ARFIP1: variants seen among roughly 807,000 people sequenced by gnomAD.
ARFIP1 encodes the protein ARF interacting protein 1.
ARFIP1 carries 24 observed loss-of-function variants against 42.5 expected under a neutral mutation model. The ratio of observed to expected loss-of-function variants is 0.57; its 90% CI spans 0.41 to 0.80. ARFIP1 has a LOEUF of 0.80. Among genes scored for constraint, ARFIP1 ranks in the 30% least tolerant of loss-of-function variants. The pLI is 0.00. For synonymous variants in ARFIP1, 141 were observed against 153.7 expected (o/e 0.92, Z 0.61); for missense variants, 354 against 434.0 (o/e 0.82, Z 1.64).
chr4:152,833,242 C>CAAAAAAAAAA (rs141860697), intron 2 of ARFIP1, among the ~76,000 whole-genome samples: 2 of 136,288 alleles, frequency 1.5e-5, no homozygotes, highest in Non-Finnish European at 1.6e-5. Flanking sequence ...AGACATTTTT[C>CAAAAAAAAAA]AAAAAAAAAA....
chr4:152,910,157 C>G lies in ARFIP1; in HGVS notation c.1060C>G (p.Gln354Glu). The G allele has an allele frequency of 6.2e-7, 1 of 1,614,172 alleles. No individual in the cohort carries two copies. Among genetic ancestry groups the G allele is most frequent in the Non-Finnish European group, 8.5e-7 (1 of 1,180,018 alleles). The change falls in exon 9 of 9, where the codon CAG (glutamine) becomes GAG (glutamate). Residue 354 changes from glutamine (Q) to glutamate (E), a missense_variant. Gln to Glu is a conservative substitution (Grantham distance 29). Coordinates refer to ENST00000353617, the MANE Select transcript of ARFIP1 (RefSeq NM_001025595.3). ...GAAGCAGCTTGAACAGACACTTAAA[C>G]AGTTCCATATCAAATTGAAAACCCC... ...NQKQLEQTLK[Q>E]FHIKLKTPGV...
chr4:152,891,101 T>G (rs1290300548), intron 8 of ARFIP1, among the ~76,000 whole-genome samples: 1 of 152,170 alleles, frequency 6.6e-6, no homozygotes, highest in Non-Finnish European at 1.5e-5. Flanking sequence ...CTCCCATTCC[T>G]TTATCATGAG....
intron 1 of ARFIP1, among the ~76,000 whole-genome samples, chr4:152,805,900 A>G (rs1228249878): frequency 6.6e-6 from 1 of 152,168 alleles, no homozygotes. Flanking sequence ...TGGTATTTTG[A>G]GCTTTTATGT....
At chr4:152,842,513 CT>C (rs1732180243) in intron 2 of ARFIP1, among the ~76,000 whole-genome samples, 1 of 152,106 alleles carries the variant, frequency 6.6e-6, no homozygotes, top group Admixed American at 6.6e-5. Context: ...GTTTTCCAAG[CT>C]TTTAGAATTC....
intron 2 of ARFIP1, among the ~76,000 whole-genome samples, chr4:152,849,467 T>C (rs1343511038): frequency 1.3e-5 from 2 of 152,198 alleles, no homozygotes; most frequent in East Asian, 3.8e-4. Context: ...TCCACAGTGA[T>C]AGTATGTGAA....
chr4:152,837,803 T>C (rs1023210705), intron 2 of ARFIP1, among the ~76,000 whole-genome samples: 10 of 152,194 alleles, frequency 6.6e-5, no homozygotes, highest in African/African-American at 2.4e-4. Context: ...TATTTATCTT[T>C]GTTTTTATTG....
chr4:152,889,757 ATATAC>A (rs1332639295), intron 8 of ARFIP1, among the ~76,000 whole-genome samples: 4 of 39,198 alleles, frequency 1.0e-4, no homozygotes, highest in Non-Finnish European at 1.5e-4. Context: ...ACTATATATT[ATATAC>A]TATACTATAT....
chr4:152,886,166 C>A (rs557146911), intron 7 of ARFIP1, among the ~76,000 whole-genome samples: 16 of 152,068 alleles, frequency 1.1e-4, no homozygotes, highest in Non-Finnish European at 1.8e-4. Flanking sequence ...ATATGTCCAT[C>A]GTTTTCTAAT....
chr4:152,820,032 G>A (rs963771458), intron 1 of ARFIP1, among the ~76,000 whole-genome samples: 5 of 152,086 alleles, frequency 3.3e-5, no homozygotes, highest in African/African-American at 9.7e-5. Context: ...GAAAAGAGGT[G>A]CCTGTCTGTG....
chr4:152,795,269 T>A (rs551619617), intron 1 of ARFIP1, among the ~76,000 whole-genome samples: 1 of 152,156 alleles, frequency 6.6e-6, no homozygotes, highest in Non-Finnish European at 1.5e-5. Context: ...CCATAGGGAT[T>A]TTTTTGCTTT....
chr4:152,882,594 A>G, intron 6 of ARFIP1, 129 bp from the exon 7 acceptor site: 2 of 992,862 alleles, frequency 2.0e-6, no homozygotes, highest in Non-Finnish European at 2.9e-6. Context: ...GACGGAAAGG[A>G]AAAGTAAAAC....
Position 152,796,502 on chromosome 4 carries a change from AT to A in ARFIP1, c.-10+16278del, listed in dbSNP as rs1731478420. The A allele has an allele frequency of 5.4e-6, 4 of 739,668 alleles. No homozygotes were observed. The East Asian group carries it at 9.8e-5, about 18-fold the overall frequency. 45.8% of individuals were successfully genotyped at this position (739,668 alleles called of 1,614,324 possible). On this transcript the variant is annotated intron_variant, in intron 1 of 8. Transcript: ENST00000353617. ...GCAGAGGGACTTCCCATTTTCCCTC[AT>A]TCTCTTTTCGTTTCTGTTTAATCAT...
chr4:152,866,683 GCTC>G (rs994683799), intron 3 of ARFIP1, among the ~76,000 whole-genome samples: 1 of 151,154 alleles, frequency 6.6e-6, no homozygotes, highest in African/African-American at 2.4e-5. Flanking sequence ...AGGCGGAGAC[GCTC>G]CTCACTTCCC....
At chr4:152,867,196 C>T (rs28565491) in intron 3 of ARFIP1, among the ~76,000 whole-genome samples, 1 of 152,178 alleles carries the variant, frequency 6.6e-6, no homozygotes, top group Non-Finnish European at 1.5e-5. Flanking sequence ...TGCACTCCAG[C>T]CTGGGCACTA....
intron 5 of ARFIP1, among the ~76,000 whole-genome samples, chr4:152,880,171 A>G (rs2149890985): frequency 6.6e-6 from 1 of 152,134 alleles, no homozygotes; most frequent in African/African-American, 2.4e-5. Context: ...GCAAAACCCC[A>G]TCTCTACTAA....
At chr4:152,909,957 TTTC>T in intron 8 of ARFIP1, 104 bp from the exon 9 acceptor site, 1 of 1,401,798 alleles carries the variant, frequency 7.1e-7, no homozygotes, top group Non-Finnish European at 9.7e-7. Context: ...TAAGCCAGCT[TTTC>T]TTCAAGAGAG....
At chr4:152,801,726 A>G (rs913483037) in intron 1 of ARFIP1, among the ~76,000 whole-genome samples, 2 of 152,174 alleles carry the variant, frequency 1.3e-5, no homozygotes, top group African/African-American at 2.4e-5. Flanking sequence ...CATAGTGACA[A>G]AGTTACAAAG....
intron 2 of ARFIP1, chr4:152,850,625 C>G (rs553676837): frequency 6.6e-6 from 1 of 152,158 alleles, no homozygotes; most frequent in Non-Finnish European, 1.5e-5. Flanking sequence ...TTTTGAAATT[C>G]GGATTTCTGG....
chr4:152,866,820 G>A (rs1043295821), intron 3 of ARFIP1, among the ~76,000 whole-genome samples: 4 of 151,604 alleles, frequency 2.6e-5, no homozygotes, highest in Non-Finnish European at 5.9e-5. Flanking sequence ...TCCCAGATGG[G>A]GTCGCGGCCA....
Sources: allele counts gnomAD v4.1 joint callset (sites outside exome capture counted in the v4.1 genomes callset), GRCh38; gene constraint gnomAD v4.1.1; transcripts MANE v1.5; gene names NCBI Gene and HGNC (gene_info 2026-07-23, HGNC 2026-07-21).